ALK: variants seen among roughly 807,000 people sequenced by gnomAD.
ALK encodes ALK receptor tyrosine kinase.
A neutral mutation model predicts 163.1 loss-of-function variants in ALK; 74 were observed. That is an observed-to-expected ratio of 0.45 (90% CI 0.38 to 0.55). The LOEUF (loss-of-function observed/expected upper bound fraction) is 0.55. Among genes scored for constraint, ALK ranks in the 20% least tolerant of loss-of-function variants. ALK has a pLI of 0.00. For missense variants in ALK, 2,063 were observed against 2,105.3 expected (o/e 0.98, Z 0.39); for synonymous variants, 960 against 843.2 (o/e 1.14, Z -2.40).
chr2:29,719,423 A>C (rs1197436255), intron 1 of ALK, among the ~76,000 whole-genome samples: 2 of 152,194 alleles, frequency 1.3e-5, no homozygotes, highest in Non-Finnish European at 2.9e-5. Context: ...TTTCACCTGC[A>C]CATCAACTCT....
intron 9 of ALK, among the ~76,000 whole-genome samples, chr2:29,285,886 A>G (rs1417579160): frequency 6.6e-6 from 1 of 151,920 alleles, no homozygotes; most frequent in African/African-American, 2.4e-5. Flanking sequence ...TATTACCTGT[A>G]TTCCTAAATC....
intron 5 of ALK, among the ~76,000 whole-genome samples, chr2:29,383,364 T>C (rs1294069661): frequency 6.6e-6 from 1 of 152,092 alleles, no homozygotes; most frequent in Non-Finnish European, 1.5e-5. Context: ...TTGCCCAGGC[T>C]GGAGTGCAAC....
chr2:29,287,353 G>A lies in ALK; in HGVS notation c.1817+9535C>T, dbSNP rs138744332. On this transcript the variant is annotated intron_variant, in intron 9 of 28. Coordinates refer to ENST00000389048, the MANE Select transcript of ALK (RefSeq NM_004304.5). ...ACTTAACAGGTCAACATCATTCTGCGTTACTGTTGGCCTTGTGTCTTACAC... is the reference window on the plus strand; with the variant it reads ...ACTTAACAGGTCAACATCATTCTGCATTACTGTTGGCCTTGTGTCTTACAC... Among the ~76,000 whole-genome samples the A allele has an allele frequency of 3.4e-3, 519 of 152,268 alleles. 4 individuals are homozygous for A. Among genetic ancestry groups the A allele is most frequent in the African/African-American group, 9.4e-3 (390 of 41,552 alleles).
chr2:29,743,626 G>T (rs1680123605), intron 1 of ALK, among the ~76,000 whole-genome samples: 1 of 152,142 alleles, frequency 6.6e-6, no homozygotes, highest in Non-Finnish European at 1.5e-5. Flanking sequence ...CCCTTAAATT[G>T]ATTTTAAATC....
At chr2:29,298,676 G>A (rs938513853) in intron 8 of ALK, among the ~76,000 whole-genome samples, 1 of 152,128 alleles carries the variant, frequency 6.6e-6, no homozygotes, top group Non-Finnish European at 1.5e-5. Context: ...CTAATCCACT[G>A]ATTTGATTTC....
At chr2:29,218,005 C>CTCA (rs1573116333) in intron 23 of ALK, among the ~76,000 whole-genome samples, 1 of 152,216 alleles carries the variant, frequency 6.6e-6, no homozygotes, top group South Asian at 2.1e-4. Context: ...CCACTGAATC[C>CTCA]TCATCTTACA....
chr2:29,780,318 G>C (rs889646589), intron 1 of ALK, among the ~76,000 whole-genome samples: 1 of 152,158 alleles, frequency 6.6e-6, no homozygotes, highest in Non-Finnish European at 1.5e-5. Context: ...CTCTAAGGGA[G>C]CCCATTTCCG....
intron 1 of ALK, among the ~76,000 whole-genome samples, chr2:29,737,676 G>A (rs1400377884): frequency 2.0e-5 from 3 of 152,086 alleles, no homozygotes; most frequent in Non-Finnish European, 4.4e-5. Context: ...ACAACAAGCA[G>A]GTGGTAGGCA....
At chr2:29,232,693 A>T (rs186655489) in intron 14 of ALK, among the ~76,000 whole-genome samples, 5 of 152,308 alleles carry the variant, frequency 3.3e-5, no homozygotes, top group African/African-American at 1.2e-4. Context: ...AGCAAAATAT[A>T]GATACCAGGA....
intron 3 of ALK, among the ~76,000 whole-genome samples, chr2:29,651,590 G>C (rs1426849875): frequency 1.3e-5 from 2 of 152,144 alleles, no homozygotes; most frequent in African/African-American, 4.8e-5. Flanking sequence ...TCCAAACTCT[G>C]AGAGTCACCC....
intron 3 of ALK, among the ~76,000 whole-genome samples, chr2:29,639,627 G>T (rs1676643591): frequency 6.6e-6 from 1 of 152,174 alleles, no homozygotes; most frequent in Non-Finnish European, 1.5e-5. Flanking sequence ...CGAGCTATAG[G>T]CTTCTACAGT....
intron 1 of ALK, among the ~76,000 whole-genome samples, chr2:29,768,280 T>C (rs1680918840): frequency 6.6e-6 from 1 of 152,224 alleles, no homozygotes; most frequent in Non-Finnish European, 1.5e-5. Context: ...CTTAGAATTC[T>C]GGGTAAACGG....
intron 1 of ALK, among the ~76,000 whole-genome samples, chr2:29,739,275 T>C (rs112217386): frequency 2.0e-4 from 21 of 106,604 alleles, no homozygotes; most frequent in African/African-American, 9.0e-4. Flanking sequence ...AAAAAGAACA[T>C]AGGCCAGGTG....
intron 9 of ALK, among the ~76,000 whole-genome samples, chr2:29,285,221 G>T (rs950777605): frequency 6.6e-6 from 1 of 151,790 alleles, no homozygotes; most frequent in Non-Finnish European, 1.5e-5. Context: ...TGTGCTTCCC[G>T]CCCTCCAGCC....
chr2:29,503,772 C>A (rs1413586895), intron 4 of ALK, among the ~76,000 whole-genome samples: 1 of 152,008 alleles, frequency 6.6e-6, no homozygotes, highest in African/African-American at 2.4e-5. Context: ...GGAGAAGCAG[C>A]AGGGGCTGGA....
At chr2:29,414,970 G>A (rs1669831145) in intron 4 of ALK, among the ~76,000 whole-genome samples, 1 of 151,878 alleles carries the variant, frequency 6.6e-6, no homozygotes, top group Non-Finnish European at 1.5e-5. Context: ...TGGAGGTGTG[G>A]CTCCAGGCCC....
chr2:29,578,817 C>T (rs1018366651), intron 3 of ALK, among the ~76,000 whole-genome samples: 2 of 152,182 alleles, frequency 1.3e-5, no homozygotes, highest in Non-Finnish European at 2.9e-5. Flanking sequence ...CAAGGTCACC[C>T]GCTGGTTAGT....
Position 29,330,160 on chromosome 2 carries a change from A to G in ALK, c.1283-1679T>C, listed in dbSNP as rs937310863. ...AGATCCCACCTCCTTCCAGGGAATCATATCTGAGCCCTTTCACCTGCTCTT... is the reference window on the plus strand; with the variant it reads ...AGATCCCACCTCCTTCCAGGGAATCGTATCTGAGCCCTTTCACCTGCTCTT... On this transcript the variant is annotated intron_variant, in intron 5 of 28. Coordinates refer to ENST00000389048, the MANE Select transcript of ALK (RefSeq NM_004304.5). 7.2e-5 allele frequency among the ~76,000 whole-genome samples: 11 copies of G among 152,188 alleles called. No homozygotes were observed. The East Asian group carries it at 1.2e-3, about 16-fold the overall frequency.
intron 1 of ALK, among the ~76,000 whole-genome samples, chr2:29,770,889 CCACACACACAGTCTCACACACAGTCA>C (rs1681000967): frequency 6.6e-6 from 1 of 150,748 alleles, no homozygotes; most frequent in Non-Finnish European, 1.5e-5. Context: ...ATGCACACAG[CCACACACACAGTCTCACACACAGTCA>C]CACACACGCA....
Sources: gnomAD v4.1 joint callset for allele counts (sites outside exome capture counted in the v4.1 genomes callset) on GRCh38, gnomAD v4.1.1 for gene constraint, MANE v1.5 for transcripts, NCBI Gene and HGNC (gene_info 2026-07-23, HGNC 2026-07-21) for gene names.